Variants in ELAVL2 observed in about 807,000 individuals in gnomAD.
ELAVL2 encodes the protein ELAV like RNA binding protein 2.
Under a neutral mutation model 34.6 loss-of-function variants are expected in ELAVL2, and 4 were observed. That is an observed-to-expected ratio of 0.12 (90% CI 0.06 to 0.26). The LOEUF (loss-of-function observed/expected upper bound fraction) is 0.26. Ranked by LOEUF, ELAVL2 falls within the 10% of genes least tolerant of loss-of-function variation. The probability of loss-of-function intolerance (pLI) is 1.00; values close to 1 mark genes in which losing one functional copy is unlikely to be tolerated. For missense variants in ELAVL2, 432 were observed against 442.8 expected (o/e 0.98, Z 0.22); for synonymous variants, 193 against 154.8 (o/e 1.25, Z -1.83).
intron 1 of ELAVL2, among the ~76,000 whole-genome samples, chr9:23,819,609 G>T (rs532392318): frequency 1.3e-5 from 2 of 152,210 alleles, no homozygotes; most frequent in Admixed American, 1.3e-4. Context: ...TAAGGAAGAG[G>T]GAGGGGCTTA....
At chr9:23,710,752 C>G (rs1044644590) in intron 3 of ELAVL2, among the ~76,000 whole-genome samples, 1 of 152,136 alleles carries the variant, frequency 6.6e-6, no homozygotes, top group Non-Finnish European at 1.5e-5. Flanking sequence ...ATGGAGTCTT[C>G]GTGGGACTAT....
At chr9:23,826,764 A>C (rs1159565221), upstream of ELAVL2, among the ~76,000 whole-genome samples, 1 of 152,198 alleles carries the variant, frequency 6.6e-6, no homozygotes, top group East Asian at 1.9e-4. Context: ...TGAGTCATTG[A>C]GAGCTCCCTC....
intron 1 of ELAVL2, among the ~76,000 whole-genome samples, chr9:23,812,421 C>A (rs2063132983): frequency 1.3e-5 from 2 of 152,088 alleles, no homozygotes; most frequent in Non-Finnish European, 2.9e-5. Flanking sequence ...TCTTATTGCA[C>A]AGTAGAAGCT....
intron 2 of ELAVL2, among the ~76,000 whole-genome samples, chr9:23,757,497 T>A (rs1258086471): frequency 6.6e-6 from 1 of 151,922 alleles, no homozygotes; most frequent in Non-Finnish European, 1.5e-5. Flanking sequence ...GAGGGTTGGT[T>A]AAGGTCACCT....
chr9:23,699,784 C>T (rs933109293), intron 5 of ELAVL2, among the ~76,000 whole-genome samples: 2 of 143,682 alleles, frequency 1.4e-5, no homozygotes, highest in African/African-American at 5.2e-5. Flanking sequence ...CTGATCACCA[C>T]TACCATGGGA....
intron 3 of ELAVL2, among the ~76,000 whole-genome samples, chr9:23,727,580 T>C (rs2045540638): frequency 6.6e-6 from 1 of 152,074 alleles, no homozygotes; most frequent in Non-Finnish European, 1.5e-5. Flanking sequence ...AGACTTGCTG[T>C]CATAAATTAC....
intron 1 of ELAVL2, among the ~76,000 whole-genome samples, chr9:23,804,526 C>A: frequency 6.6e-6 from 1 of 151,976 alleles, no homozygotes; most frequent in East Asian, 1.9e-4. Flanking sequence ...TTAACCAATC[C>A]CCTACTGATG....
chr9:23,692,909 C>A (rs2033668159), intron 6 of ELAVL2, 25 bp from the exon 7 acceptor site: 1 of 1,592,134 alleles, frequency 6.3e-7, no homozygotes, highest in Non-Finnish European at 8.6e-7. Context: ...AGGAAATACA[C>A]ACATACACAC....
upstream of ELAVL2, among the ~76,000 whole-genome samples, chr9:23,828,610 T>C (rs1207125281): frequency 6.6e-6 from 1 of 152,280 alleles, no homozygotes; most frequent in Middle Eastern, 3.4e-3. Flanking sequence ...TTCTGTAGAT[T>C]CAGTATTTAT....
At chr9:23,742,677 A>G (rs2049536147) in intron 2 of ELAVL2, among the ~76,000 whole-genome samples, 1 of 152,224 alleles carries the variant, frequency 6.6e-6, no homozygotes, top group African/African-American at 2.4e-5. Context: ...GCAGAATTAA[A>G]TTAGAGGTAT....
At chr9:23,702,297 C>A (rs1230570623) in intron 4 of ELAVL2, among the ~76,000 whole-genome samples, 1 of 152,044 alleles carries the variant, frequency 6.6e-6, no homozygotes, top group South Asian at 2.1e-4. Flanking sequence ...AAATAAATTT[C>A]TAGAAGTAAA....
chr9:23,694,337 C>G (rs1035869337), intron 5 of ELAVL2, among the ~76,000 whole-genome samples: 4 of 151,304 alleles, frequency 2.6e-5, no homozygotes, highest in Non-Finnish European at 4.4e-5. Flanking sequence ...CTACATTTTT[C>G]CTATATCAAA....
intron 2 of ELAVL2, among the ~76,000 whole-genome samples, chr9:23,731,941 A>G (rs1052746673): frequency 6.6e-6 from 1 of 152,138 alleles, no homozygotes; most frequent in African/African-American, 2.4e-5. Flanking sequence ...ATCTCAGACA[A>G]TGGGAGCTAT....
intron 1 of ELAVL2, among the ~76,000 whole-genome samples, chr9:23,796,320 A>G (rs1433501231): frequency 6.6e-6 from 1 of 152,238 alleles, no homozygotes; most frequent in Non-Finnish European, 1.5e-5. Flanking sequence ...GGTAACTTGC[A>G]ATCTCCATTT....
chr9:23,799,553 A>T (rs1343681379), intron 1 of ELAVL2, among the ~76,000 whole-genome samples: 1 of 152,176 alleles, frequency 6.6e-6, no homozygotes, highest in East Asian at 1.9e-4. Flanking sequence ...TCTCACATCT[A>T]ATTACAATAT....
intron 3 of ELAVL2, among the ~76,000 whole-genome samples, chr9:23,723,910 C>T (rs2044395726): frequency 6.6e-6 from 1 of 152,074 alleles, no homozygotes; most frequent in African/African-American, 2.4e-5. Flanking sequence ...CAACAATTTC[C>T]TAAACCTATA....
intron 2 of ELAVL2, among the ~76,000 whole-genome samples, chr9:23,753,678 C>T (rs752264284): frequency 4.6e-5 from 7 of 152,120 alleles, no homozygotes; most frequent in Admixed American, 6.6e-5. Context: ...CCATCTTCCT[C>T]ATCGACATTT....
intron 3 of ELAVL2, among the ~76,000 whole-genome samples, chr9:23,727,109 A>AT (rs1213466175): frequency 1.3e-5 from 2 of 152,038 alleles, no homozygotes; most frequent in Non-Finnish European, 2.9e-5. Context: ...TTTATTTACC[A>AT]TGTCAACACT....
chr9:23,828,453 CTG>C (rs1252645301), upstream of ELAVL2, among the ~76,000 whole-genome samples: 1 of 152,118 alleles, frequency 6.6e-6, no homozygotes, highest in Non-Finnish European at 1.5e-5. Flanking sequence ...TTGTAGATAA[CTG>C]TGATATCTGT....
Sources: allele counts gnomAD v4.1 joint callset (sites outside exome capture counted in the v4.1 genomes callset), GRCh38; gene constraint gnomAD v4.1.1; transcripts MANE v1.5; gene names NCBI Gene and HGNC (gene_info 2026-07-23, HGNC 2026-07-21).